MMP16: variants seen among roughly 807,000 people sequenced by gnomAD.
MMP16 encodes matrix metalloproteinase-16.
Under a neutral mutation model 67.8 loss-of-function variants are expected in MMP16, and 12 were observed. That is an observed-to-expected ratio of 0.18 (90% CI 0.11 to 0.29). The LOEUF (loss-of-function observed/expected upper bound fraction) is 0.29, where lower values mean the gene tolerates loss of function less well. MMP16 is among the 10% of genes least tolerant of loss of function. The pLI, the probability that MMP16 is intolerant of heterozygous loss-of-function variation, is 1.00. For synonymous variants in MMP16, 249 were observed against 255.9 expected (o/e 0.97, Z 0.26); for missense variants, 475 against 765.7 (o/e 0.62, Z 4.48).
At chr8:88,276,401 C>T (rs28904575) in intron 1 of MMP16, among the ~76,000 whole-genome samples, 2,695 of 152,150 alleles carry the variant, frequency 0.018, 81 homozygotes, top group African/African-American at 0.061. Context: ...AGGATAATTC[C>T]ACAGTCTCTA....
At position 88,040,039 on chromosome 8, in the gene MMP16, C is replaced by T. The variant is rs920206021; in HGVS notation, c.*1422G>A. On this transcript the variant is annotated 3_prime_UTR_variant, in exon 10 of 10. Transcript: ENST00000286614. ...GATATTCATGCAACTTCAGAGTCAC[C>T]GTTTTAATTCATTTTTAAAATGGCA... 3 of 152,366 alleles carry T rather than the reference C, an allele frequency of 2.0e-5. No individual in the cohort carries two copies. Among genetic ancestry groups the T allele is most frequent in the South Asian group, 2.1e-4 (1 of 4,818 alleles). The allele number at this position is 152,366 out of a possible 1,614,324, so 9.4% of individuals were successfully genotyped here.
chr8:88,283,156 C>T (rs1289847767), intron 1 of MMP16, among the ~76,000 whole-genome samples: 1 of 152,076 alleles, frequency 6.6e-6, no homozygotes, highest in Admixed American at 6.5e-5. Context: ...AGTATAAATT[C>T]TCCTGTTCTT....
intron 6 of MMP16, among the ~76,000 whole-genome samples, chr8:88,082,151 GCACACGCA>G (rs1563526364): frequency 1.3e-5 from 2 of 151,666 alleles, no homozygotes; most frequent in Non-Finnish European, 2.9e-5. Context: ...TTATACAAAC[GCACACGCA>G]CACACAGACA....
chr8:88,211,063 T>C (rs1809504880), intron 1 of MMP16, among the ~76,000 whole-genome samples: 1 of 152,246 alleles, frequency 6.6e-6, no homozygotes, highest in East Asian at 1.9e-4. Flanking sequence ...AGTGTCATTG[T>C]AACTTTGAAA....
At chr8:88,078,790 A>G (rs959508449) in intron 6 of MMP16, among the ~76,000 whole-genome samples, 1 of 152,230 alleles carries the variant, frequency 6.6e-6, no homozygotes, top group African/African-American at 2.4e-5. Flanking sequence ...ACAACTTTCC[A>G]TAAATCTACA....
At chr8:88,094,689 A>G (rs1318901767) in intron 6 of MMP16, among the ~76,000 whole-genome samples, 1 of 151,780 alleles carries the variant, frequency 6.6e-6, no homozygotes, top group African/African-American at 2.4e-5. Context: ...ATACATCTCA[A>G]AAGAAGTTAT....
intron 3 of MMP16, among the ~76,000 whole-genome samples, chr8:88,179,150 A>G (rs879712881): frequency 1.3e-5 from 2 of 151,982 alleles, no homozygotes; most frequent in Non-Finnish European, 2.9e-5. Context: ...ATACCTAAGC[A>G]TATCATATTC....
At chr8:88,175,718 C>T (rs1317752628) in intron 3 of MMP16, among the ~76,000 whole-genome samples, 1 of 152,120 alleles carries the variant, frequency 6.6e-6, no homozygotes, top group Non-Finnish European at 1.5e-5. Flanking sequence ...TTGGCTATGT[C>T]CCTACCCAAA....
At chr8:88,153,239 T>G (rs1418146850) in intron 4 of MMP16, among the ~76,000 whole-genome samples, 1 of 151,882 alleles carries the variant, frequency 6.6e-6, no homozygotes, top group African/African-American at 2.4e-5. Context: ...TGGAAGAACA[T>G]TCCATGCTCA....
At chr8:88,172,273 T>A (rs978053781) in intron 3 of MMP16, among the ~76,000 whole-genome samples, 1 of 152,196 alleles carries the variant, frequency 6.6e-6, no homozygotes, top group Non-Finnish European at 1.5e-5. Context: ...TACTAACTTT[T>A]TATAACACAT....
Position 88,167,840 on chromosome 8 carries a change from G to C in MMP16, c.538C>G (p.Arg180Gly). 6.2e-7 allele frequency: 1 copy of C among 1,613,916 alleles called. No homozygotes were observed. Among genetic ancestry groups the C allele is most frequent in the Non-Finnish European group, 8.5e-7 (1 of 1,179,938 alleles). The part of the protein sequence containing the change: ...VPYSELENGK[R>G]DVDITIIFAS... ...AAAATAATGGTTATATCCACATCAC[G>C]TTTGCCATTTTCTAATTCACTGTAG... Residue 180 changes from arginine to glycine, a missense_variant, in exon 4 of 10, where the codon CGT becomes GGT. Arg to Gly is a moderately radical substitution (Grantham distance 125). Transcript: ENST00000286614.
intron 6 of MMP16, among the ~76,000 whole-genome samples, chr8:88,107,900 A>C (rs1809269356): frequency 6.6e-6 from 1 of 151,156 alleles, no homozygotes; most frequent in Non-Finnish European, 1.5e-5. Flanking sequence ...TATGAAAACT[A>C]ATTAACTTTA....
intron 6 of MMP16, among the ~76,000 whole-genome samples, chr8:88,083,638 GA>G (rs1363520033): frequency 2.0e-5 from 3 of 152,066 alleles, no homozygotes; most frequent in Non-Finnish European, 4.4e-5. Context: ...CAAAGGGAAA[GA>G]ATTAACTATA....
chr8:88,264,041 T>C (rs1563577592), intron 1 of MMP16, among the ~76,000 whole-genome samples: 4 of 130,308 alleles, frequency 3.1e-5, no homozygotes, highest in Non-Finnish European at 6.4e-5. Flanking sequence ...CACATATATA[T>C]ATATATATAT....
chr8:88,115,804 T>C (rs189062133), intron 6 of MMP16, among the ~76,000 whole-genome samples: 23 of 152,214 alleles, frequency 1.5e-4, no homozygotes, highest in Admixed American at 1.3e-3. Context: ...TTTTTCAGTA[T>C]TATATTCACC....
At chr8:88,196,405 TTATGTC>T (rs1322558698) in intron 2 of MMP16, among the ~76,000 whole-genome samples, 5 of 152,186 alleles carry the variant, frequency 3.3e-5, no homozygotes, top group African/African-American at 1.2e-4. Flanking sequence ...CCATTTGCGA[TTATGTC>T]TATCTATGCA....
At chr8:88,284,624 C>T (rs1191634833) in intron 1 of MMP16, among the ~76,000 whole-genome samples, 2 of 152,080 alleles carry the variant, frequency 1.3e-5, no homozygotes, top group African/African-American at 4.8e-5. Flanking sequence ...AAGCACCTCT[C>T]AGAAGTAGAT....
chr8:88,188,616 G>T (rs1809116882), intron 2 of MMP16, among the ~76,000 whole-genome samples: 1 of 151,760 alleles, frequency 6.6e-6, no homozygotes, highest in Non-Finnish European at 1.5e-5. Context: ...GCCAGTAAAA[G>T]ATTTCTTTGT....
intron 3 of MMP16, among the ~76,000 whole-genome samples, chr8:88,181,267 A>G (rs1476354360): frequency 1.3e-5 from 2 of 152,080 alleles, no homozygotes; most frequent in Non-Finnish European, 2.9e-5. Context: ...TACAGATGAT[A>G]TATCCTCTAT....
Sources: allele counts gnomAD v4.1 joint callset (sites outside exome capture counted in the v4.1 genomes callset), GRCh38; gene constraint gnomAD v4.1.1; transcripts MANE v1.5; gene names NCBI Gene and HGNC (gene_info 2026-07-23, HGNC 2026-07-21).